The following LSM11 variants were observed in gnomAD, a reference collection of about 807,000 sequenced individuals.
LSM11 encodes LSM11, U7 small nuclear RNA associated, also known as U7 snRNA-associated Sm-like protein LSm11.
A neutral mutation model predicts 28.1 loss-of-function variants in LSM11; 14 were observed. The ratio of observed to expected loss-of-function variants is 0.50; its 90% CI spans 0.33 to 0.78. The LOEUF is 0.78. LSM11 is among the 30% of genes least tolerant of loss of function. The pLI is 0.02. For synonymous variants in LSM11, 207 were observed against 214.2 expected (o/e 0.97, Z 0.30); for missense variants, 495 against 510.6 (o/e 0.97, Z 0.30).
At position 157,755,487 on chromosome 5, in the gene LSM11, T is replaced by TA. The variant is rs1761309786; in HGVS notation, c.*224dup. The TA allele has an allele frequency of 3.5e-6, 2 of 572,672 alleles. No homozygotes were observed. Among genetic ancestry groups the TA allele is most frequent in the Non-Finnish European group, 6.1e-6 (2 of 325,474 alleles). The allele number at this position is 572,672 out of a possible 1,614,324, so 35.5% of individuals were successfully genotyped here. On this transcript the variant is annotated 3_prime_UTR_variant, in exon 4 of 4. Transcript: ENST00000286307. ...TATCAAGGCAAAAAGCATTCATAGA[T>TA]ACATGCATCTGATTTGGTATTGTGA...
Position 157,755,136 on chromosome 5 carries a change from C to G in LSM11, c.955C>G (p.Leu319Val), listed in dbSNP as rs750263824. 8.1e-6 allele frequency: 13 copies of G among 1,614,230 alleles called. No homozygotes were observed. Among genetic ancestry groups the G allele is most frequent in the Admixed American group, 1.7e-5 (1 of 60,036 alleles). ...AGGTACCTTTTCCAGGGCTACCACC[C>G]TTTCCAGAGGCCAGTCCCGTAAGAA... is the stretch of plus-strand genomic sequence containing the variant. ...VGGTFSRATT[L>V]SRGQSRKKKR... Residue 319 changes from leucine to valine, a missense_variant, in exon 4 of 4, where the codon CTT (leucine) becomes GTT (valine). Transcript: ENST00000286307.
At position 157,759,842 on chromosome 5, in the gene LSM11, G is replaced by A. The variant is rs1345143947; in HGVS notation, c.*4578G>A. On this transcript the variant is annotated 3_prime_UTR_variant, in exon 4 of 4. Coordinates refer to ENST00000286307, the MANE Select transcript of LSM11 (RefSeq NM_173491.4). ...TGATGGATTTAAGATAAGCCTTTGGGGTTCCTGTCAGTTTTCTGGGCCCTG... is the reference window on the plus strand; with the variant it reads ...TGATGGATTTAAGATAAGCCTTTGGAGTTCCTGTCAGTTTTCTGGGCCCTG... 3 of 152,164 alleles carry A rather than the reference G, an allele frequency of 2.0e-5. No individual in the cohort carries two copies. Among genetic ancestry groups the A allele is most frequent in the African/African-American group, 7.2e-5 (3 of 41,416 alleles). The allele number at this position is 152,164 out of a possible 1,614,324, so 9.4% of individuals were successfully genotyped here. A position where few individuals can be genotyped will look rare whatever the true frequency, so the allele number is the denominator to read the frequency against.
At chr5:157,748,781 T>G (rs1761181837) in intron 1 of LSM11, among the ~76,000 whole-genome samples, 1 of 152,178 alleles carries the variant, frequency 6.6e-6, no homozygotes, top group African/African-American at 2.4e-5. Context: ...ATGGTATAAT[T>G]TACATGTAGC....
intron 1 of LSM11, 86 bp downstream of exon 1, chr5:157,744,284 G>C (rs2113065629): frequency 9.3e-7 from 1 of 1,073,760 alleles, no homozygotes. Context: ...GGCGGTGGCC[G>C]GGCGCGGGTC....
chr5:157,748,765 G>C (rs896817603), intron 1 of LSM11, among the ~76,000 whole-genome samples: 1 of 152,192 alleles, frequency 6.6e-6, no homozygotes, highest in African/African-American at 2.4e-5. Flanking sequence ...TTAAAATCAG[G>C]CTGTGATGGT....
Position 157,757,921 on chromosome 5 carries a change from C to T in LSM11, c.*2657C>T, listed in dbSNP as rs1396921990. ...GATTGATTTACCATTTTTTGCCCAA[C>T]ATGACAATTCTGGCTATGAAAATTA... On this transcript the variant is annotated 3_prime_UTR_variant, in exon 4 of 4. Coordinates refer to ENST00000286307, the MANE Select transcript of LSM11 (RefSeq NM_173491.4). 1 of 152,130 alleles carries T rather than the reference C, an allele frequency of 6.6e-6. No individual in the cohort carries two copies. Among genetic ancestry groups the T allele is most frequent in the Non-Finnish European group, 1.5e-5 (1 of 68,018 alleles). 9.4% of individuals were successfully genotyped at this position (152,130 alleles called of 1,614,324 possible).
At chr5:157,753,950 CAAA>C in intron 2 of LSM11, 51 bp from the exon 3 acceptor site, 1 of 1,196,272 alleles carries the variant, frequency 8.4e-7, no homozygotes, top group Non-Finnish European at 1.1e-6. Context: ...AAAAGCTATA[CAAA>C]TAATAATTTT....
At chr5:157,744,373 T>C (rs1002245570) in intron 1 of LSM11, among the ~76,000 whole-genome samples, 175 bp downstream of exon 1, 1 of 151,800 alleles carries the variant, frequency 6.6e-6, no homozygotes, top group Non-Finnish European at 1.5e-5. Context: ...TTGAGTAATG[T>C]GGGTAATGAG....
chr5:157,743,958 GGCGGGCGCGGGC>G lies in LSM11; in HGVS notation c.216_227del (p.Gly73_Arg76del), dbSNP rs746823463. ...CTTCCTCAGGACCGGAGTCCGGGGCGGCGGGCGCGGGCGCGGGCGGGCTCGGGGCGCGGCCGC... is the reference window on the plus strand; with the variant it reads ...CTTCCTCAGGACCGGAGTCCGGGGCGGCGGGCGGGCTCGGGGCGCGGCCGC... On this transcript the variant is annotated inframe_deletion, in exon 1 of 4. Transcript: ENST00000286307. 7.6e-6 allele frequency: 10 copies of G among 1,324,266 alleles called. No homozygotes were observed. The highest frequency in any genetic ancestry group is 6.7e-5 in the South Asian group (3 of 44,798). The allele number at this position is 1,324,266 out of a possible 1,614,324, so 82.0% of individuals were successfully genotyped here. A position where few individuals can be genotyped will look rare whatever the true frequency, so the allele number is the denominator to read the frequency against.
In LSM11 at chr5:157,755,834, G is replaced by T. The variant is rs149837627; in HGVS notation, c.*570G>T. On this transcript the variant is annotated 3_prime_UTR_variant, in exon 4 of 4. Transcript: ENST00000286307. ...CCAACTTATGTAGGGGTGAAATTTG[G>T]ATAGGCGGTATGCTCAAAGCAGCCA... 7.8e-4 allele frequency: 314 copies of T among 400,086 alleles called. 3 individuals carry two copies. In the East Asian group the frequency reaches 0.011, roughly 14 times the overall value. 24.8% of individuals were successfully genotyped at this position (400,086 alleles called of 1,614,324 possible).
In LSM11 at chr5:157,757,760, T is replaced by A. The variant is rs1761352244; in HGVS notation, c.*2496T>A. The A allele has an allele frequency of 6.6e-6, 1 of 152,248 alleles. No individual in the cohort carries two copies. Among genetic ancestry groups the A allele is most frequent in the South Asian group, 2.1e-4 (1 of 4,834 alleles). 9.4% of individuals were successfully genotyped at this position (152,248 alleles called of 1,614,324 possible). ...TCGGCTAGAATGATGTACTCTACTT[T>A]CCCAATAAGGTAGAAATTTGGAATC... is the stretch of plus-strand genomic sequence containing the variant. On this transcript the variant is annotated 3_prime_UTR_variant, in exon 4 of 4. Transcript: ENST00000286307.
chr5:157,743,965 G>A lies in LSM11; in HGVS notation c.215G>A (p.Arg72His), dbSNP rs751350984. Residue 72 changes from arginine to histidine, a missense_variant, in exon 1 of 4, where the codon CGC becomes CAC. Coordinates refer to ENST00000286307, the MANE Select transcript of LSM11 (RefSeq NM_173491.4). ...FLRTGVRGGG[R>H]GRGRARGAAA... ...AGGACCGGAGTCCGGGGCGGCGGGC[G>A]CGGGCGCGGGCGGGCTCGGGGCGCG... The A allele has an allele frequency of 2.3e-6, 3 of 1,289,500 alleles. No homozygotes were observed. The highest frequency in any genetic ancestry group is 2.9e-6 in the Non-Finnish European group (3 of 1,017,682). The allele number at this position is 1,289,500 out of a possible 1,614,324, so 79.9% of individuals were successfully genotyped here. A position where few individuals can be genotyped will look rare whatever the true frequency, so the allele number is the denominator to read the frequency against.
At chr5:157,751,769 T>C (rs1045438200) in intron 2 of LSM11, among the ~76,000 whole-genome samples, 1 of 152,198 alleles carries the variant, frequency 6.6e-6, no homozygotes, top group Non-Finnish European at 1.5e-5. Flanking sequence ...GGAACATTCA[T>C]CAATGTCTGG....
At chr5:157,744,424 G>A (rs1187473918) in intron 1 of LSM11, among the ~76,000 whole-genome samples, 1 of 152,194 alleles carries the variant, frequency 6.6e-6, no homozygotes, top group African/African-American at 2.4e-5. Flanking sequence ...AGGGGCTGTA[G>A]GAGCAACAGA....
chr5:157,751,409 G>A lies in LSM11; in HGVS notation c.468G>A (p.Leu156=), dbSNP rs1581451503. The change falls in exon 2 of 4, where the codon CTG becomes CTA. Residue 156 remains leucine, a synonymous_variant. Transcript: ENST00000286307. ...TTTCAGTGCACGAAGGCAGCCCTCT[G>A]GGTGAACTCCATCGCTGTATCCGTG... The part of the protein sequence containing the change: ...TRMPLHEGSP[L]GELHRCIREG... 5.6e-6 allele frequency: 9 copies of A among 1,601,680 alleles called. No individual in the cohort carries two copies. The East Asian group carries it at 2.0e-4, about 36-fold the overall frequency.
intron 1 of LSM11, among the ~76,000 whole-genome samples, chr5:157,748,913 A>T (rs1761183547): frequency 6.6e-6 from 1 of 152,238 alleles, no homozygotes; most frequent in Non-Finnish European, 1.5e-5. Context: ...ATATTTGGTC[A>T]TAGAAACCTG....
chr5:157,754,762 C>T (rs940974260), intron 3 of LSM11, 92 bp from the exon 4 acceptor site: 6 of 980,496 alleles, frequency 6.1e-6, no homozygotes, highest in Admixed American at 2.7e-5. Flanking sequence ...GTCCACAGAA[C>T]ATAATTAAAG....
intron 1 of LSM11, chr5:157,747,842 C>T (rs1581449948): frequency 1.3e-5 from 2 of 152,272 alleles, no homozygotes; most frequent in African/African-American, 2.4e-5. Context: ...GTATGACTTA[C>T]ATAAAACCGA....
chr5:157,745,048 C>T (rs538272308), intron 1 of LSM11, among the ~76,000 whole-genome samples: 12 of 152,274 alleles, frequency 7.9e-5, no homozygotes, highest in African/African-American at 2.6e-4. Flanking sequence ...TTTCTTGGAG[C>T]CTCCTCATAG....
Sources: allele counts gnomAD v4.1 joint callset (sites outside exome capture counted in the v4.1 genomes callset), GRCh38; gene constraint gnomAD v4.1.1; transcripts MANE v1.5; gene names NCBI Gene and HGNC (gene_info 2026-07-23, HGNC 2026-07-21).